TTC27: variants seen among roughly 807,000 people sequenced by gnomAD.
The protein encoded by TTC27 is tetratricopeptide repeat protein 27.
TTC27 carries 79 observed loss-of-function variants against 115.9 expected under a neutral mutation model. The ratio of observed to expected loss-of-function variants is 0.68; its 90% CI spans 0.57 to 0.82. The LOEUF (loss-of-function observed/expected upper bound fraction) is 0.82. TTC27 is among the 40% of genes least tolerant of loss of function. The probability of loss-of-function intolerance (pLI) is 0.00; values close to 1 mark genes in which losing one functional copy is unlikely to be tolerated. For missense variants in TTC27, 1,054 were observed against 993.1 expected (o/e 1.06, Z -0.82); for synonymous variants, 401 against 356.0 (o/e 1.13, Z -1.42).
At chr2:32,810,254 G>A (rs565297196) in intron 16 of TTC27, among the ~76,000 whole-genome samples, 25 of 152,256 alleles carry the variant, frequency 1.6e-4, no homozygotes, top group Middle Eastern at 3.4e-3. Context: ...CTCTTTAAGC[G>A]GAGTTAGAAG....
intron 12 of TTC27, among the ~76,000 whole-genome samples, chr2:32,749,372 G>C (rs1668934692): frequency 6.6e-6 from 1 of 152,188 alleles, no homozygotes; most frequent in South Asian, 2.1e-4. Flanking sequence ...GTGGCTGCCA[G>C]GCCACTAGTT....
chr2:32,744,801 A>G (rs908243436), intron 12 of TTC27, among the ~76,000 whole-genome samples: 1 of 152,164 alleles, frequency 6.6e-6, no homozygotes, highest in African/African-American at 2.4e-5. Flanking sequence ...CTGTAATCCC[A>G]GCACTTTGGG....
chr2:32,779,277 A>G (rs563683647), intron 14 of TTC27, among the ~76,000 whole-genome samples: 2 of 152,008 alleles, frequency 1.3e-5, no homozygotes, highest in African/African-American at 2.4e-5. Context: ...CTAGCAATGT[A>G]TGAGGGTTCC....
intron 7 of TTC27, among the ~76,000 whole-genome samples, chr2:32,669,903 A>T (rs1342811543): frequency 6.8e-6 from 1 of 147,000 alleles, no homozygotes; most frequent in Admixed American, 6.8e-5. Context: ...AAAAAAAAAG[A>T]AAAGAAAGAA....
intron 13 of TTC27, among the ~76,000 whole-genome samples, chr2:32,768,152 A>G (rs1669702922): frequency 6.6e-6 from 1 of 152,262 alleles, no homozygotes; most frequent in Admixed American, 6.5e-5. Flanking sequence ...GGAAATGTAC[A>G]AAATTATAAT....
intron 13 of TTC27, among the ~76,000 whole-genome samples, chr2:32,775,545 T>C (rs1669968379): frequency 6.6e-6 from 1 of 152,190 alleles, no homozygotes; most frequent in African/African-American, 2.4e-5. Context: ...ATCTGTTCTT[T>C]GCTGATGCAG....
chr2:32,717,912 A>G (rs371709348), intron 10 of TTC27, among the ~76,000 whole-genome samples: 1 of 152,124 alleles, frequency 6.6e-6, no homozygotes. Flanking sequence ...GCTACCATAT[A>G]TTATACCTGC....
chr2:32,810,041 C>T (rs1057060620), intron 16 of TTC27, among the ~76,000 whole-genome samples: 4 of 148,620 alleles, frequency 2.7e-5, no homozygotes, highest in South Asian at 2.1e-4. Flanking sequence ...CACTTGAGCC[C>T]GGGAGGCGGA....
chr2:32,736,643 A>T, intron 11 of TTC27, 51 bp from the exon 12 acceptor site: 14 of 1,608,428 alleles, frequency 8.7e-6, no homozygotes, highest in Non-Finnish European at 1.2e-5. Context: ...GTGAAACAGG[A>T]ATCTCTTTTT....
intron 5 of TTC27, among the ~76,000 whole-genome samples, chr2:32,661,952 A>G (rs971799484): frequency 6.6e-6 from 1 of 152,098 alleles, no homozygotes; most frequent in African/African-American, 2.4e-5. Context: ...ATCAATACCT[A>G]GTTTATTGAG....
intron 9 of TTC27, among the ~76,000 whole-genome samples, chr2:32,687,848 A>C (rs1666686188): frequency 6.6e-6 from 1 of 152,218 alleles, no homozygotes; most frequent in South Asian, 2.1e-4. Context: ...ACAATGTCAC[A>C]ATCATAGTTG....
chr2:32,696,441 C>A (rs909097444), intron 9 of TTC27, among the ~76,000 whole-genome samples: 1 of 151,928 alleles, frequency 6.6e-6, no homozygotes, highest in East Asian at 2.0e-4. Context: ...AGGTGCCCAC[C>A]ATCACGCCCA....
chr2:32,640,443 G>T (rs1664600007), intron 4 of TTC27, 33 bp downstream of exon 4: 2 of 1,606,738 alleles, frequency 1.2e-6, no homozygotes, highest in African/African-American at 1.3e-5. Flanking sequence ...TCATACCCTG[G>T]TATGACTTTT....
At chr2:32,767,195 T>C (rs1367699981) in intron 13 of TTC27, among the ~76,000 whole-genome samples, 2 of 152,318 alleles carry the variant, frequency 1.3e-5, no homozygotes, top group East Asian at 1.9e-4. Context: ...ACCATTGCAC[T>C]TAAAACATCA....
chr2:32,713,000 T>C (rs1667635260), intron 10 of TTC27, among the ~76,000 whole-genome samples: 1 of 152,096 alleles, frequency 6.6e-6, no homozygotes, highest in Non-Finnish European at 1.5e-5. Context: ...GATTAGGTCA[T>C]TAATGGATTA....
chr2:32,681,980 ATGTGTGTGTGTGTGTGTG>A (rs70938359), intron 9 of TTC27, among the ~76,000 whole-genome samples: 22 of 90,040 alleles, frequency 2.4e-4, no homozygotes, highest in South Asian at 4.3e-4. Flanking sequence ...ATGTATATAT[ATGTGTGTGTGTGTGTGTG>A]TGTGTGTGTG....
chr2:32,723,862 T>C (rs1668021745), intron 10 of TTC27, among the ~76,000 whole-genome samples: 1 of 150,768 alleles, frequency 6.6e-6, no homozygotes, highest in Non-Finnish European at 1.5e-5. Context: ...TGCAGTGGCA[T>C]AATCATAGCT....
intron 12 of TTC27, among the ~76,000 whole-genome samples, chr2:32,745,054 C>T: frequency 2.0e-5 from 1 of 49,882 alleles, no homozygotes; most frequent in Non-Finnish European, 3.3e-5. Flanking sequence ...AACTCTGTCT[C>T]AAAAAAAAAA....
At chr2:32,738,177 G>A (rs1186787888) in intron 12 of TTC27, among the ~76,000 whole-genome samples, 1 of 152,146 alleles carries the variant, frequency 6.6e-6, no homozygotes, top group Non-Finnish European at 1.5e-5. Context: ...AGTATGGCAT[G>A]GTGGCTAAAA....
Sources: allele counts gnomAD v4.1 joint callset (sites outside exome capture counted in the v4.1 genomes callset), GRCh38; gene constraint gnomAD v4.1.1; transcripts MANE v1.5; gene names NCBI Gene and HGNC (gene_info 2026-07-23, HGNC 2026-07-21).